Variants in FOXP2 observed in about 807,000 individuals in gnomAD.
The protein encoded by FOXP2 is forkhead box P2.
Under a neutral mutation model 115.8 loss-of-function variants are expected in FOXP2, and 12 were observed. The ratio of observed to expected loss-of-function variants is 0.10; its 90% CI spans 0.07 to 0.17. FOXP2 has a LOEUF of 0.17. Ranked by LOEUF, FOXP2 falls within the 10% of genes least tolerant of loss-of-function variation. FOXP2 has a pLI of 1.00. For synonymous variants in FOXP2, 328 were observed against 297.7 expected (o/e 1.10, Z -1.05); for missense variants, 629 against 843.5 (o/e 0.75, Z 3.15).
At chr7:114,314,918 A>G (rs1351607026) in intron 2 of FOXP2, among the ~76,000 whole-genome samples, 1 of 152,212 alleles carries the variant, frequency 6.6e-6, no homozygotes, top group Admixed American at 6.5e-5. Flanking sequence ...TGCAATGATT[A>G]TATAGATGGC....
intron 1 of FOXP2, among the ~76,000 whole-genome samples, chr7:114,166,079 C>T (rs987962393): frequency 4.6e-5 from 7 of 152,028 alleles, no homozygotes; most frequent in Admixed American, 6.6e-5. Flanking sequence ...TTAATCTAGA[C>T]GACCTTATAC....
Position 114,663,310 on chromosome 7 carries a change from C to G in FOXP2, c.1770-140C>G. The G allele has an allele frequency of 9.5e-6, 6 of 631,348 alleles. No homozygotes were observed. The South Asian group carries it at 1.1e-4, about 12-fold the overall frequency. The allele number at this position is 631,348 out of a possible 1,614,324, so 39.1% of individuals were successfully genotyped here. A position where few individuals can be genotyped will look rare whatever the true frequency, so the allele number is the denominator to read the frequency against. ...GGGTTATATATTTGAACTCTATTAC[C>G]TTATTTTTGTGGCCTTATATACATC... On this transcript the variant is annotated intron_variant, in intron 14 of 16. Transcript: ENST00000350908.
intron 1 of FOXP2, among the ~76,000 whole-genome samples, chr7:114,177,196 T>C (rs567958895): frequency 1.1e-4 from 16 of 152,296 alleles, no homozygotes; most frequent in Non-Finnish European, 2.2e-4. Context: ...TTTACCTGTG[T>C]ACCTAGGAGT....
At chr7:114,322,499 T>A (rs1797450310) in intron 2 of FOXP2, among the ~76,000 whole-genome samples, 2 of 152,100 alleles carry the variant, frequency 1.3e-5, no homozygotes, top group Middle Eastern at 6.8e-3. Flanking sequence ...ATAAAACAAA[T>A]ACTTACATTT....
intron 1 of FOXP2, among the ~76,000 whole-genome samples, chr7:114,283,879 C>T (rs1796396323): frequency 1.3e-5 from 2 of 152,020 alleles, no homozygotes; most frequent in South Asian, 2.1e-4. Flanking sequence ...GGGAGAATAG[C>T]TTGAGCCTGG....
At chr7:114,369,597 C>T (rs191848239) in intron 2 of FOXP2, among the ~76,000 whole-genome samples, 416 of 151,942 alleles carry the variant, frequency 2.7e-3, no homozygotes, top group Non-Finnish European at 4.7e-3. Context: ...TGTCTCTCTC[C>T]TTTAAAACAG....
chr7:114,288,871 A>G (rs1198446586), intron 2 of FOXP2, among the ~76,000 whole-genome samples: 3 of 151,802 alleles, frequency 2.0e-5, no homozygotes, highest in African/African-American at 7.2e-5. Context: ...AAAGCTTCCT[A>G]GTAGTTTATA....
At chr7:114,445,097 A>G (rs759392520) in intron 2 of FOXP2, among the ~76,000 whole-genome samples, 3 of 151,986 alleles carry the variant, frequency 2.0e-5, no homozygotes, top group Non-Finnish European at 4.4e-5. Context: ...CTTGCTCAAA[A>G]CTGTAAGAAT....
chr7:114,153,677 T>G (rs1389520732), intron 1 of FOXP2, among the ~76,000 whole-genome samples: 1 of 152,114 alleles, frequency 6.6e-6, no homozygotes, highest in Non-Finnish European at 1.5e-5. Context: ...TCATTTTTAT[T>G]GGGATATTAA....
rs976650682 is a variant in FOXP2 at position 114,628,950 on chromosome 7, A to G, written c.396+273A>G. 6.9e-5 allele frequency: 27 copies of G among 392,938 alleles called. 1 individual carries two copies. In the East Asian group the frequency reaches 1.5e-3, roughly 22 times the overall value. The allele number at this position is 392,938 out of a possible 1,614,324, so 24.3% of individuals were successfully genotyped here. ...CCAATATTTAAATATTCAAATGCTT[A>G]GGTACATTCAATTTGTTGACTTGCC... is the stretch of plus-strand genomic sequence containing the variant. On this transcript the variant is annotated intron_variant, in intron 4 of 16. Transcript: ENST00000350908.
intron 11 of FOXP2, among the ~76,000 whole-genome samples, chr7:114,658,504 G>A (rs1806707534): frequency 6.6e-6 from 1 of 152,182 alleles, no homozygotes; most frequent in Non-Finnish European, 1.5e-5. Flanking sequence ...ACTGAGAGAT[G>A]TCAGGATAGC....
At chr7:114,248,206 G>GAGAGAC (rs1554354806) in intron 1 of FOXP2, among the ~76,000 whole-genome samples, 2 of 150,884 alleles carry the variant, frequency 1.3e-5, no homozygotes, top group Non-Finnish European at 2.9e-5. Flanking sequence ...GAGAGAGAGA[G>GAGAGAC]AGAGAGACAG....
chr7:114,632,838 A>G (rs1804995798), intron 6 of FOXP2, among the ~76,000 whole-genome samples: 1 of 152,160 alleles, frequency 6.6e-6, no homozygotes, highest in South Asian at 2.1e-4. Flanking sequence ...GAGTTATTCT[A>G]AAGAATATTG....
intron 1 of FOXP2, among the ~76,000 whole-genome samples, chr7:114,217,404 C>A (rs1267751848): frequency 1.3e-5 from 2 of 152,022 alleles, no homozygotes; most frequent in East Asian, 1.9e-4. Flanking sequence ...TTACTAGGAA[C>A]AAAATGGTTA....
chr7:114,372,393 G>A (rs1348833632), intron 2 of FOXP2, among the ~76,000 whole-genome samples: 2 of 152,126 alleles, frequency 1.3e-5, no homozygotes, highest in African/African-American at 4.8e-5. Context: ...AATGTGAAAA[G>A]GGGTGCTATT....
intron 1 of FOXP2, among the ~76,000 whole-genome samples, chr7:114,183,184 A>G (rs1348672258): frequency 5.3e-5 from 8 of 152,156 alleles, no homozygotes; most frequent in African/African-American, 1.2e-4. Context: ...TTAGCTTCAT[A>G]TAATTTAAGT....
At chr7:114,288,869 C>T (rs1469908754) in intron 2 of FOXP2, among the ~76,000 whole-genome samples, 3 of 151,618 alleles carry the variant, frequency 2.0e-5, no homozygotes, top group Admixed American at 2.0e-4. Flanking sequence ...TCAAAGCTTC[C>T]TAGTAGTTTA....
At chr7:114,535,425 A>T (rs1280708626) in intron 3 of FOXP2, among the ~76,000 whole-genome samples, 1 of 151,594 alleles carries the variant, frequency 6.6e-6, no homozygotes, top group African/African-American at 2.4e-5. Context: ...CAAAGTGTTC[A>T]CCAGCTCTGT....
At chr7:114,398,770 C>G (rs557742839) in intron 2 of FOXP2, among the ~76,000 whole-genome samples, 2 of 151,930 alleles carry the variant, frequency 1.3e-5, no homozygotes, top group Non-Finnish European at 2.9e-5. Flanking sequence ...GGACTCTGGA[C>G]GAAGTCACAT....
Sources: gnomAD v4.1 joint callset for allele counts (sites outside exome capture counted in the v4.1 genomes callset) on GRCh38, gnomAD v4.1.1 for gene constraint, MANE v1.5 for transcripts, NCBI Gene and HGNC (gene_info 2026-07-23, HGNC 2026-07-21) for gene names.